The following THOC5 variants were observed in gnomAD, a reference collection of about 807,000 sequenced individuals.
The protein encoded by THOC5 is THO complex subunit 5.
In THOC5, 43 loss-of-function variants were observed where a neutral mutation model predicts 92.9. That is an observed-to-expected ratio of 0.46 (90% CI 0.36 to 0.60). THOC5 has a LOEUF of 0.60. Ranked by LOEUF, THOC5 falls within the 20% of genes least tolerant of loss-of-function variation. The pLI, the probability that THOC5 is intolerant of heterozygous loss-of-function variation, is 0.00. For missense variants in THOC5, 659 were observed against 849.4 expected (o/e 0.78, Z 2.79); for synonymous variants, 296 against 320.1 (o/e 0.92, Z 0.80).
At chr22:29,528,500 G>C in intron 9 of THOC5, 34 bp from the exon 10 acceptor site, 1 of 1,611,370 alleles carries the variant, frequency 6.2e-7, no homozygotes, top group Non-Finnish European at 8.5e-7. Flanking sequence ...CTAGAGGTGA[G>C]GGGGCTCCAA....
At chr22:29,525,198 C>T (rs2063519592) in intron 12 of THOC5, among the ~76,000 whole-genome samples, 1 of 152,108 alleles carries the variant, frequency 6.6e-6, no homozygotes, top group Non-Finnish European at 1.5e-5. Context: ...ATCACTACAG[C>T]CCAGAAGTTT....
chr22:29,529,294 G>A (rs2063607048), intron 8 of THOC5, 55 bp from the exon 9 acceptor site: 3 of 1,582,734 alleles, frequency 1.9e-6, no homozygotes, highest in Non-Finnish European at 2.6e-6. Flanking sequence ...CTGCTAAGCA[G>A]TGTGAGTAGG....
At chr22:29,527,998 G>GCTC in intron 11 of THOC5, 80 bp downstream of exon 11, 2 of 1,365,224 alleles carry the variant, frequency 1.5e-6, no homozygotes, top group South Asian at 2.4e-5. Context: ...TGGGTGTTTG[G>GCTC]CTCCCGGACC....
chr22:29,511,954 G>A (rs2063231799), intron 18 of THOC5, 67 bp downstream of exon 18: 2 of 1,361,710 alleles, frequency 1.5e-6, no homozygotes, highest in African/African-American at 1.4e-5. Flanking sequence ...GCTGCAGTGG[G>A]TTCTGCCACG....
intron 15 of THOC5, 52 bp from the exon 16 acceptor site, chr22:29,517,418 A>T: frequency 6.6e-7 from 1 of 1,512,258 alleles, no homozygotes; most frequent in Non-Finnish European, 9.1e-7. Context: ...GGTGCCACAG[A>T]TGGGTAACTA....
chr22:29,552,840 C>T (rs941474662), intron 1 of THOC5, among the ~76,000 whole-genome samples: 1 of 152,178 alleles, frequency 6.6e-6, no homozygotes, highest in Non-Finnish European at 1.5e-5. Context: ...CGGATTGTTG[C>T]TGTGTCTGTG....
intron 11 of THOC5, among the ~76,000 whole-genome samples, chr22:29,526,698 G>A (rs1037555399): frequency 6.6e-6 from 1 of 151,876 alleles, no homozygotes; most frequent in African/African-American, 2.4e-5. Flanking sequence ...AGATGGAAAG[G>A]GAACCAAGCG....
intron 9 of THOC5, 175 bp downstream of exon 9, chr22:29,528,987 C>A (rs58875601): frequency 4.7e-6 from 3 of 633,684 alleles, no homozygotes; most frequent in East Asian, 5.4e-5. Flanking sequence ...ATCCACGGGC[C>A]GCACCTTGTG....
intron 5 of THOC5, 89 bp from the exon 6 acceptor site, chr22:29,539,565 T>C (rs2063836192): frequency 7.2e-7 from 1 of 1,394,664 alleles, no homozygotes; most frequent in East Asian, 2.3e-5. Context: ...AACATATGCC[T>C]GCTTAGTCCT....
chr22:29,517,168 C>T (rs1218043381), intron 16 of THOC5, 52 bp from the exon 17 acceptor site: 1 of 1,609,422 alleles, frequency 6.2e-7, no homozygotes, highest in East Asian at 2.2e-5. Context: ...TCTGGTTAAA[C>T]CCCCTGCTCT....
At chr22:29,537,459 G>A (rs2063782310) in intron 6 of THOC5, among the ~76,000 whole-genome samples, 1 of 152,174 alleles carries the variant, frequency 6.6e-6, no homozygotes, top group South Asian at 2.1e-4. Flanking sequence ...TGGCCAACAT[G>A]GTGAAACCCG....
intron 5 of THOC5, 135 bp downstream of exon 5, chr22:29,542,724 A>T (rs2063924040): frequency 1.3e-5 from 7 of 528,500 alleles, no homozygotes. Context: ...AGATTGCGCC[A>T]CTGCACTCCA....
Position 29,525,960 on chromosome 22 carries a change from A to G in THOC5, c.1067-14T>C. The G allele has an allele frequency of 1.3e-6, 2 of 1,586,262 alleles. No homozygotes were observed. Among genetic ancestry groups the G allele is most frequent in the Non-Finnish European group, 1.7e-6 (2 of 1,158,502 alleles). ...GCACACTGTCATCTGGAGGGGAGGA[A>G]GATGAGAGAATTTATGAGTCAAAAC... On this transcript the variant is annotated splice_polypyrimidine_tract_variant and intron_variant, in intron 11 of 19. Coordinates refer to ENST00000490103, the MANE Select transcript of THOC5 (RefSeq NM_003678.5).
chr22:29,516,569 A>G (rs1313114502), intron 17 of THOC5, among the ~76,000 whole-genome samples: 2 of 152,232 alleles, frequency 1.3e-5, no homozygotes, highest in East Asian at 3.8e-4. Context: ...CAGAAGAGGT[A>G]TGAAGAATCA....
At chr22:29,519,213 C>T in intron 14 of THOC5, 93 bp from the exon 15 acceptor site, 1 of 775,880 alleles carries the variant, frequency 1.3e-6, no homozygotes, top group Non-Finnish European at 2.1e-6. Context: ...CTGCGGCACC[C>T]TGGATTATCC....
In THOC5 at chr22:29,544,708, T is replaced by C. The variant is rs1249236332; in HGVS notation, c.97-105A>G. 2.5e-6 allele frequency: 3 copies of C among 1,195,034 alleles called. No individual in the cohort carries two copies. The East Asian group carries it at 7.7e-5, about 31-fold the overall frequency. 74.0% of individuals were successfully genotyped at this position (1,195,034 alleles called of 1,614,324 possible). ...TCCTTTTAGATAAAAACAGTAACAA[T>C]GAAGCCTCAGTCAGGTCTCTAAAAG... On this transcript the variant is annotated intron_variant, in intron 2 of 19. Coordinates refer to ENST00000490103, the MANE Select transcript of THOC5 (RefSeq NM_003678.5).
chr22:29,533,187 G>T (rs1188363432), intron 7 of THOC5, among the ~76,000 whole-genome samples: 1 of 152,154 alleles, frequency 6.6e-6, no homozygotes, highest in East Asian at 1.9e-4. Flanking sequence ...CAGACAACCT[G>T]ATTCTGAAAC....
rs565702624 is a variant in THOC5, at chr22:29,550,072, G to A, written c.-11-914C>T. Among the ~76,000 whole-genome samples the A allele has an allele frequency of 3.3e-5, 5 of 151,990 alleles. 1 individual carries two copies. In the South Asian group the frequency reaches 8.3e-4, roughly 25 times the overall value. ...CCATAAATTAGTATCCAAACTCCTC[G>A]GTCTGGCATTTAAAGACACTCCCAA... On this transcript the variant is annotated intron_variant, in intron 1 of 19. Transcript: ENST00000490103.
At chr22:29,524,141 G>A (rs558659505) in intron 12 of THOC5, among the ~76,000 whole-genome samples, 1 of 152,308 alleles carries the variant, frequency 6.6e-6, no homozygotes, top group South Asian at 2.1e-4. Flanking sequence ...CTCCCTGTTT[G>A]GGGGTCAGGG....
Sources: allele counts gnomAD v4.1 joint callset (sites outside exome capture counted in the v4.1 genomes callset), GRCh38; gene constraint gnomAD v4.1.1; transcripts MANE v1.5; gene names NCBI Gene and HGNC (gene_info 2026-07-23, HGNC 2026-07-21).